The following MAPK12 variants were observed in gnomAD, a reference collection of about 807,000 sequenced individuals.
MAPK12 encodes the protein mitogen-activated protein kinase 12.
In MAPK12, 49 loss-of-function variants were observed where a neutral mutation model predicts 49.1. The observed-to-expected ratio is 1.00, with a 90% CI of 0.79 to 1.27. MAPK12 has a LOEUF of 1.27. MAPK12 is among the 50% of genes most tolerant of loss of function. The pLI, the probability that MAPK12 is intolerant of heterozygous loss-of-function variation, is 0.00. For synonymous variants in MAPK12, 251 were observed against 209.7 expected (o/e 1.20, Z -1.70); for missense variants, 554 against 502.4 (o/e 1.10, Z -0.98).
rs750343193 is a variant in MAPK12, at chr22:50,257,108, C to CG, written c.399dup (p.Val134ArgfsTer33). On this transcript the variant is annotated frameshift_variant, in exon 4 of 12. Coordinates refer to ENST00000215659, the MANE Select transcript of MAPK12 (RefSeq NM_002969.6). LOFTEE classifies it high-confidence loss of function. ...CTCAGCCCCTTCAGCATCTGGTACA[C>CG]GAGGAACTGGATCCGGTCCTCGCCT... 3.7e-6 allele frequency: 6 copies of CG among 1,612,546 alleles called. No homozygotes were observed. In the East Asian group the frequency reaches 1.3e-4, roughly 36 times the overall value.
At chr22:50,259,774 C>T (rs559720881) in intron 2 of MAPK12, among the ~76,000 whole-genome samples, 2 of 152,004 alleles carry the variant, frequency 1.3e-5, no homozygotes, top group South Asian at 4.2e-4. Flanking sequence ...ATCCCAGCTA[C>T]TGAGGAGGCT....
At chr22:50,254,617 C>T (rs1290011588) in intron 11 of MAPK12, 1 of 994,116 alleles carries the variant, frequency 1.0e-6, no homozygotes, top group Non-Finnish European at 1.2e-6. Flanking sequence ...GTGCCACTGC[C>T]CTCCAGCCTG....
rs1031966984 is a variant in MAPK12 at position 50,253,035 on chromosome 22, C to T, written c.*366G>A. On this transcript the variant is annotated 3_prime_UTR_variant, in exon 12 of 12. Coordinates refer to ENST00000215659, the MANE Select transcript of MAPK12 (RefSeq NM_002969.6). ...GGGATGTCCCTGAGTTGGTGCCCTG[C>T]GCCCACCCTCTGTCCTTCCTCTGCA... 2 of 343,402 alleles carry T rather than the reference C, an allele frequency of 5.8e-6. No individual in the cohort carries two copies. Among genetic ancestry groups the T allele is most frequent in the Admixed American group, 4.3e-5 (1 of 23,106 alleles). The allele number at this position is 343,402 out of a possible 1,614,324, so 21.3% of individuals were successfully genotyped here.
intron 4 of MAPK12, 58 bp downstream of exon 4, chr22:50,257,024 C>T (rs894271651): frequency 1.2e-5 from 19 of 1,603,502 alleles, no homozygotes; most frequent in Middle Eastern, 1.7e-4. Context: ...ACAGGGCCCT[C>T]CTCTGCCCAG....
intron 2 of MAPK12, among the ~76,000 whole-genome samples, chr22:50,260,043 G>A (rs1321332158): frequency 2.7e-5 from 4 of 148,784 alleles, no homozygotes; most frequent in Non-Finnish European, 4.5e-5. Flanking sequence ...GTGCGGTGCC[G>A]GCGAAGTGGG....
Position 50,255,318 on chromosome 22 carries a change from C to T in MAPK12, c.903G>A (p.Thr301=), listed in dbSNP as rs370416139. The T allele has an allele frequency of 1.2e-5, 19 of 1,613,430 alleles. No homozygotes were observed. Among genetic ancestry groups the T allele is most frequent in the Middle Eastern group, 3.3e-4 (2 of 6,084 alleles). ...AGGGATGGGCCAGCGCCTCGCCTGC[C>T]GTCACCCGCTGCTCCGCGTCCAGCA... The part of the protein sequence containing the change: ...MLVLDAEQRV[T]AGEALAHPYF... The change falls in exon 11 of 12, where the codon ACG becomes ACA. Residue 301 remains threonine, a synonymous_variant. Transcript: ENST00000215659.
At chr22:50,261,006 G>A in intron 2 of MAPK12, 161 bp downstream of exon 2, 4 of 799,550 alleles carry the variant, frequency 5.0e-6, no homozygotes, top group Non-Finnish European at 7.2e-6. Context: ...CCCAAGGAGA[G>A]ACAGGCCTTG....
intron 11 of MAPK12, 103 bp from the exon 12 acceptor site, chr22:50,253,583 C>T (rs1340655861): frequency 4.4e-6 from 3 of 689,544 alleles, no homozygotes; most frequent in Non-Finnish European, 5.3e-6. Flanking sequence ...TCGTGGGGCC[C>T]TTCTCTAATC....
chr22:50,253,502 G>GGGA, intron 11 of MAPK12, 22 bp from the exon 12 acceptor site: 24 of 171,678 alleles, frequency 1.4e-4, no homozygotes, highest in Non-Finnish European at 1.8e-4. Flanking sequence ...GGGGGGGCGG[G>GGGA]CACAACAGAG....
chr22:50,258,121 G>A lies in MAPK12; in HGVS notation c.314+122C>T, dbSNP rs1427977144. On this transcript the variant is annotated intron_variant, in intron 3 of 11. Transcript: ENST00000215659. ...ACAGTGGTATGGGGAGGGGGTGGGC[G>A]GTGTGCATCCCCCACTCAGGCTGCA... 12 of 890,152 alleles carry A rather than the reference G, an allele frequency of 1.3e-5. No individual in the cohort carries two copies. In the East Asian group the frequency reaches 1.5e-4, roughly 11 times the overall value. 55.1% of individuals were successfully genotyped at this position (890,152 alleles called of 1,614,324 possible). A position where few individuals can be genotyped will look rare whatever the true frequency, so the allele number is the denominator to read the frequency against.
intron 11 of MAPK12, chr22:50,254,810 A>C: frequency 8.6e-7 from 1 of 1,158,774 alleles, no homozygotes; most frequent in Non-Finnish European, 1.1e-6. Flanking sequence ...AGGAGGGGCT[A>C]AGTGGGCCCT....
chr22:50,255,887 A>C lies in MAPK12; in HGVS notation c.620-6T>G, dbSNP rs1243474045. On this transcript the variant is annotated splice_polypyrimidine_tract_variant and splice_region_variant and intron_variant, in intron 7 of 11. Transcript: ENST00000215659. The stretch of plus-strand genomic sequence containing the variant: ...GCCCACAGACCAGATGTCCACTGAG[A>C]TAGAAGCCCTGGTCAGCTCCGTGGG... 6.2e-7 allele frequency: 1 copy of C among 1,612,396 alleles called. No homozygotes were observed. Among genetic ancestry groups the C allele is most frequent in the Admixed American group, 1.7e-5 (1 of 59,996 alleles).
chr22:50,256,809 C>T, intron 5 of MAPK12, 126 bp downstream of exon 5: 2 of 1,516,458 alleles, frequency 1.3e-6, no homozygotes, highest in Non-Finnish European at 1.8e-6. Flanking sequence ...GGCAGGTTCC[C>T]ACCAGGGGCT....
intron 8 of MAPK12, 44 bp from the exon 9 acceptor site, chr22:50,255,738 GC>G: frequency 6.2e-7 from 1 of 1,609,134 alleles, no homozygotes; most frequent in Non-Finnish European, 8.5e-7. Context: ...AGAGATCAGG[GC>G]CCCCACTGCC....
chr22:50,253,502 G>GCCGCCCCCCCCC, intron 11 of MAPK12, 22 bp from the exon 12 acceptor site: 1 of 171,686 alleles, frequency 5.8e-6, no homozygotes, highest in Non-Finnish European at 1.1e-5. Flanking sequence ...GGGGGGGCGG[G>GCCGCCCCCCCCC]CACAACAGAG....
chr22:50,261,331 A>ACCCCGCGCAGG lies in MAPK12; in HGVS notation c.125+43_126-36dup, dbSNP rs1173364928. 62 of 1,239,550 alleles carry ACCCCGCGCAGG rather than the reference A, an allele frequency of 5.0e-5. No individual in the cohort carries two copies. The African/African-American group carries it at 8.5e-4, about 17-fold the overall frequency. 76.8% of individuals were successfully genotyped at this position (1,239,550 alleles called of 1,614,324 possible). A position where few individuals can be genotyped will look rare whatever the true frequency, so the allele number is the denominator to read the frequency against. ...GGACCGCTTAGCGGGAAGGCCGGGCACCCCGCGCAGGCCCCGCCCGCCCCG... is the reference window on the plus strand; with the variant it reads ...GGACCGCTTAGCGGGAAGGCCGGGCACCCCGCGCAGGCCCCGCGCAGGCCCCGCCCGCCCCG... On this transcript the variant is annotated intron_variant, in intron 1 of 11. Transcript: ENST00000215659.
chr22:50,257,036 C>A (rs373676825), intron 4 of MAPK12, 46 bp downstream of exon 4: 6 of 1,604,722 alleles, frequency 3.7e-6, no homozygotes, highest in East Asian at 2.2e-5. Context: ...TCTGCCCAGC[C>A]CCGAGGCCCT....
Position 50,261,462 on chromosome 22 carries a change from C to T in MAPK12, c.48G>A (p.Val16=). 1 of 1,282,208 alleles carries T rather than the reference C, an allele frequency of 7.8e-7. No homozygotes were observed. Among genetic ancestry groups the T allele is most frequent in the Non-Finnish European group, 1.0e-6 (1 of 991,138 alleles). The allele number at this position is 1,282,208 out of a possible 1,614,324, so 79.4% of individuals were successfully genotyped here. A position where few individuals can be genotyped will look rare whatever the true frequency, so the allele number is the denominator to read the frequency against. ...CGCGCACCTCCCAGGCCGTCTTGGT[C>T]ACCTCCTGGCGGTAAAAGCCACTGC... The part of the protein sequence containing the change: ...PARSGFYRQE[V]TKTAWEVRAV... The change falls in exon 1 of 12, where the codon GTG becomes GTA. Residue 16 remains valine (V), a synonymous_variant. Transcript: ENST00000215659.
chr22:50,261,045 C>A (rs1171528274), intron 2 of MAPK12, 122 bp downstream of exon 2: 2 of 1,189,614 alleles, frequency 1.7e-6, no homozygotes, highest in African/African-American at 2.0e-5. Flanking sequence ...GACCCACGGC[C>A]CGACCCCCGC....
Sources: allele counts gnomAD v4.1 joint callset (sites outside exome capture counted in the v4.1 genomes callset), GRCh38; gene constraint gnomAD v4.1.1; transcripts MANE v1.5; gene names NCBI Gene and HGNC (gene_info 2026-07-23, HGNC 2026-07-21).